The following MON2 variants were observed in gnomAD, a reference collection of about 807,000 sequenced individuals.
The protein encoded by MON2 is MON2 regulator of endosome-to-Golgi trafficking.
In MON2, 84 loss-of-function variants were observed where a neutral mutation model predicts 208.6. That is an observed-to-expected ratio of 0.40 (90% CI 0.34 to 0.48). The LOEUF (loss-of-function observed/expected upper bound fraction) is 0.48. MON2 is among the 20% of genes least tolerant of loss of function. MON2 has a pLI of 0.59. For missense variants in MON2, 1,611 were observed against 2,015.4 expected (o/e 0.80, Z 3.84); for synonymous variants, 660 against 694.0 (o/e 0.95, Z 0.77).
intron 8 of MON2, among the ~76,000 whole-genome samples, chr12:62,522,765 C>A (rs2072122865): frequency 6.6e-6 from 1 of 152,174 alleles, no homozygotes; most frequent in African/African-American, 2.4e-5. Flanking sequence ...GTGTTCAGTG[C>A]TCTCAACACT....
chr12:62,522,123 G>T (rs1013601357), intron 8 of MON2, among the ~76,000 whole-genome samples: 6 of 152,100 alleles, frequency 3.9e-5, no homozygotes, highest in Non-Finnish European at 8.8e-5. Context: ...GGAGGTGGAG[G>T]TTGCAGTGAG....
chr12:62,532,558 A>T lies in MON2; in HGVS notation c.1521A>T (p.Leu507=), dbSNP rs202106381. The part of the protein sequence containing the change: ...RGITSMIEGE[L]GELETECQTT... ...TCACAAGTATGATTGAAGGAGAGCT[A>T]GGAGAGCTTGAAACAGAATGTCAAA... Residue 507 remains leucine (L), a synonymous_variant, in exon 12 of 35, where the codon CTA becomes CTT. Coordinates refer to ENST00000393630, the MANE Select transcript of MON2 (RefSeq NM_015026.3). The T allele has an allele frequency of 6.2e-7, 1 of 1,614,104 alleles. No homozygotes were observed. The highest frequency in any genetic ancestry group is 2.2e-5 in the East Asian group (1 of 44,866).
intron 1 of MON2, among the ~76,000 whole-genome samples, chr12:62,481,971 G>T (rs566423602): frequency 7.9e-5 from 12 of 152,276 alleles, no homozygotes; most frequent in African/African-American, 2.9e-4. Flanking sequence ...GACCGTTACG[G>T]CTGTGTCTGC....
rs2072234755 is a variant in MON2, at chr12:62,524,505, A to G, written c.985-10A>G. 1 of 1,591,806 alleles carries G rather than the reference A, an allele frequency of 6.3e-7. No homozygotes were observed. The highest frequency in any genetic ancestry group is 8.6e-7 in the Non-Finnish European group (1 of 1,160,838). Reference sequence around the variant, plus strand: ...TCAAAGAAATAGTATTAAAAATCATATATTTTTAGGTAACTGAATGTGAGA... The same window carrying G: ...TCAAAGAAATAGTATTAAAAATCATGTATTTTTAGGTAACTGAATGTGAGA... On this transcript the variant is annotated splice_polypyrimidine_tract_variant and intron_variant, in intron 8 of 34. Coordinates refer to ENST00000393630, the MANE Select transcript of MON2 (RefSeq NM_015026.3).
chr12:62,571,329 C>T, intron 29 of MON2, 63 bp from the exon 30 acceptor site: 1 of 1,190,880 alleles, frequency 8.4e-7, no homozygotes, highest in Non-Finnish European at 1.1e-6. Context: ...TGTAGTTTTT[C>T]TTAATTAAAA....
At chr12:62,499,710 T>C (rs1291780783) in intron 5 of MON2, among the ~76,000 whole-genome samples, 4 of 151,888 alleles carry the variant, frequency 2.6e-5, no homozygotes, top group African/African-American at 9.7e-5. Flanking sequence ...CCGTCTCTAC[T>C]AAAATACAAA....
rs150088868 is a variant in MON2 at position 62,542,151 on chromosome 12, T to C, written c.2365-946T>C. Among the ~76,000 whole-genome samples the C allele has an allele frequency of 4.3e-3, 656 of 152,252 alleles. 7 individuals carry two copies. The highest frequency in any genetic ancestry group is 0.015 in the African/African-American group (623 of 41,542). On this transcript the variant is annotated intron_variant, in intron 19 of 34. Coordinates refer to ENST00000393630, the MANE Select transcript of MON2 (RefSeq NM_015026.3). ...CTACCACCCAAATTTTTAGGGTGCT[T>C]TCCACATTAGCGCATGCGGGAAGGG... is the stretch of plus-strand genomic sequence containing the variant.
At chr12:62,557,281 G>A (rs1367887547) in intron 25 of MON2, among the ~76,000 whole-genome samples, 3 of 152,194 alleles carry the variant, frequency 2.0e-5, no homozygotes, top group African/African-American at 7.2e-5. Context: ...TGTTGGTTGT[G>A]TATATCAGTG....
At chr12:62,485,123 T>C (rs1164381020) in intron 2 of MON2, among the ~76,000 whole-genome samples, 1 of 152,164 alleles carries the variant, frequency 6.6e-6, no homozygotes, top group African/African-American at 2.4e-5. Flanking sequence ...ATGTTCTTCC[T>C]GCTACAGTGT....
intron 21 of MON2, among the ~76,000 whole-genome samples, chr12:62,546,234 G>A (rs902526774): frequency 6.6e-6 from 1 of 152,004 alleles, no homozygotes; most frequent in Non-Finnish European, 1.5e-5. Flanking sequence ...TCATTTTAGA[G>A]ATTGGGAATT....
chr12:62,494,839 G>A (rs2070383399), intron 3 of MON2, among the ~76,000 whole-genome samples, 177 bp from the exon 4 acceptor site: 2 of 152,128 alleles, frequency 1.3e-5, no homozygotes, highest in Non-Finnish European at 2.9e-5. Context: ...AGAATTGATT[G>A]TAAGTCCTAA....
At chr12:62,495,287 T>TCATC in intron 4 of MON2, 140 bp downstream of exon 4, 1 of 705,198 alleles carries the variant, frequency 1.4e-6, no homozygotes, top group Non-Finnish European at 2.2e-6. Flanking sequence ...TGCATGTTAA[T>TCATC]AACTGTTGGT....
intron 29 of MON2, among the ~76,000 whole-genome samples, chr12:62,570,591 A>G (rs2074554364): frequency 6.6e-6 from 1 of 152,048 alleles, no homozygotes; most frequent in Non-Finnish European, 1.5e-5. Flanking sequence ...CCTACTTCAC[A>G]CCTATGCTAT....
intron 29 of MON2, among the ~76,000 whole-genome samples, chr12:62,567,554 A>G (rs2074429659): frequency 6.6e-6 from 1 of 152,128 alleles, no homozygotes; most frequent in African/African-American, 2.4e-5. Context: ...TATCTTCCCT[A>G]TAGCATGGTA....
chr12:62,539,469 G>A (rs868620992), intron 19 of MON2, among the ~76,000 whole-genome samples: 2 of 151,492 alleles, frequency 1.3e-5, no homozygotes, highest in East Asian at 2.0e-4. Context: ...AGGTTTCACT[G>A]TGTTAGCCAG....
At chr12:62,474,148 C>T (rs1315647990) in intron 1 of MON2, among the ~76,000 whole-genome samples, 3 of 148,662 alleles carry the variant, frequency 2.0e-5, no homozygotes, top group Admixed American at 6.8e-5. Context: ...GACAAAGTCT[C>T]GCTCTTGTCC....
At chr12:62,486,574 A>G (rs959394481) in intron 2 of MON2, among the ~76,000 whole-genome samples, 9 of 152,158 alleles carry the variant, frequency 5.9e-5, no homozygotes, top group Non-Finnish European at 8.8e-5. Context: ...AATTATACCT[A>G]AAAGTTGTAG....
intron 5 of MON2, among the ~76,000 whole-genome samples, chr12:62,500,329 CT>C (rs1480455360): frequency 6.6e-6 from 1 of 152,096 alleles, no homozygotes; most frequent in African/African-American, 2.4e-5. Context: ...TGATTCTTAG[CT>C]GGTGAGTATC....
intron 11 of MON2, among the ~76,000 whole-genome samples, chr12:62,530,323 C>T (rs2072568074): frequency 6.6e-6 from 1 of 151,554 alleles, no homozygotes; most frequent in Non-Finnish European, 1.5e-5. Context: ...CTCTGCCTCC[C>T]AGGTTCATGC....
Sources: gnomAD v4.1 joint callset for allele counts (sites outside exome capture counted in the v4.1 genomes callset) on GRCh38, gnomAD v4.1.1 for gene constraint, MANE v1.5 for transcripts, NCBI Gene and HGNC (gene_info 2026-07-23, HGNC 2026-07-21) for gene names.